The following GPBP1 variants were observed in gnomAD, a reference collection of about 807,000 sequenced individuals.
The protein encoded by GPBP1 is vasculin.
A neutral mutation model predicts 56.5 loss-of-function variants in GPBP1; 13 were observed. That is an observed-to-expected ratio of 0.23 (90% CI 0.15 to 0.37). The LOEUF is 0.37. Among genes scored for constraint, GPBP1 ranks in the 10% least tolerant of loss-of-function variants. The pLI is 1.00. For synonymous variants in GPBP1, 204 were observed against 188.9 expected (o/e 1.08, Z -0.66); for missense variants, 477 against 572.3 (o/e 0.83, Z 1.70).
chr5:57,180,586 G>A (rs1753998027), intron 2 of GPBP1, among the ~76,000 whole-genome samples: 1 of 152,180 alleles, frequency 6.6e-6, no homozygotes, highest in African/African-American at 2.4e-5. Flanking sequence ...GGGTTTGGAA[G>A]GGAACTTGGT....
intron 10 of GPBP1, among the ~76,000 whole-genome samples, chr5:57,256,772 C>G (rs573424838): frequency 2.1e-3 from 314 of 152,180 alleles, no homozygotes; most frequent in African/African-American, 7.0e-3. Context: ...ATTTAAATTT[C>G]TTAGTTTGAG....
chr5:57,237,072 T>G, intron 6 of GPBP1: 1 of 1,411,162 alleles, frequency 7.1e-7, no homozygotes, highest in Non-Finnish European at 9.8e-7. Context: ...TGGCATTGTT[T>G]TTTCTGTATT....
At chr5:57,239,099 G>C (rs1740688635) in intron 6 of GPBP1, among the ~76,000 whole-genome samples, 1 of 152,204 alleles carries the variant, frequency 6.6e-6, no homozygotes, top group South Asian at 2.1e-4. Context: ...GTATTCTGTT[G>C]ATGAATTGCT....
intron 2 of GPBP1, among the ~76,000 whole-genome samples, chr5:57,200,578 A>G (rs1027783288): frequency 6.6e-6 from 1 of 151,990 alleles, no homozygotes; most frequent in Non-Finnish European, 1.5e-5. Flanking sequence ...CAAGTTGGCC[A>G]GGCTGGCCTC....
intron 3 of GPBP1, among the ~76,000 whole-genome samples, chr5:57,219,320 G>A (rs1253672682): frequency 7.3e-6 from 1 of 136,076 alleles, no homozygotes; most frequent in Non-Finnish European, 1.5e-5. Context: ...AGGTTGCAGT[G>A]AGCCCAGATC....
chr5:57,213,199 C>T (rs2111760360), intron 2 of GPBP1, among the ~76,000 whole-genome samples: 1 of 152,086 alleles, frequency 6.6e-6, no homozygotes, highest in East Asian at 1.9e-4. Flanking sequence ...GATTTAGGCA[C>T]CCACCACCAT....
chr5:57,210,922 C>A (rs756167141), intron 2 of GPBP1, among the ~76,000 whole-genome samples: 1 of 152,152 alleles, frequency 6.6e-6, no homozygotes, highest in Non-Finnish European at 1.5e-5. Context: ...CAGTTAATCA[C>A]TTCTTTAAAG....
intron 3 of GPBP1, among the ~76,000 whole-genome samples, chr5:57,226,809 T>C (rs1350871296): frequency 6.9e-6 from 1 of 144,942 alleles, no homozygotes; most frequent in East Asian, 2.1e-4. Flanking sequence ...GTGCGATCTC[T>C]GCTCACTGCA....
chr5:57,249,626 A>G, intron 9 of GPBP1, 50 bp downstream of exon 9: 1 of 1,456,542 alleles, frequency 6.9e-7, no homozygotes, highest in Non-Finnish European at 9.4e-7. Flanking sequence ...TGTCATTGAA[A>G]TATTTGAGCA....
At chr5:57,198,913 C>T (rs1309256728) in intron 2 of GPBP1, among the ~76,000 whole-genome samples, 1 of 152,080 alleles carries the variant, frequency 6.6e-6, no homozygotes, top group Non-Finnish European at 1.5e-5. Flanking sequence ...TTTGCCTTTG[C>T]AGTTGCAATA....
At chr5:57,219,930 T>C (rs1321342476) in intron 3 of GPBP1, among the ~76,000 whole-genome samples, 1 of 151,648 alleles carries the variant, frequency 6.6e-6, no homozygotes, top group African/African-American at 2.4e-5. Context: ...CGCGTGCCTG[T>C]AATCCTAGCT....
chr5:57,210,338 A>G (rs1047496275), intron 2 of GPBP1, among the ~76,000 whole-genome samples: 24 of 152,210 alleles, frequency 1.6e-4, no homozygotes, highest in Admixed American at 1.6e-3. Context: ...GAAAAAAATT[A>G]GGGTTTTCAT....
Position 57,230,878 on chromosome 5 carries a change from CTT to C in GPBP1, c.98_99del (p.Phe33CysfsTer8). 1.2e-6 allele frequency: 2 copies of C among 1,609,640 alleles called. No individual in the cohort carries two copies. The highest frequency in any genetic ancestry group is 1.7e-6 in the Non-Finnish European group (2 of 1,178,372). On this transcript the variant is annotated frameshift_variant, in exon 4 of 12. Transcript: ENST00000506184. LOFTEE classifies it high-confidence loss of function. ...TGAATTTTGAGAAGCATTCTGAAAA[CTT>C]TGCATGGACAGAGAATCGTTATGAT... is the stretch of plus-strand genomic sequence containing the variant. The part of the protein sequence containing the change: ...SLNFEKHSEN[F>X]AWTENRYDVN...
At chr5:57,196,965 A>G (rs1052187062) in intron 2 of GPBP1, among the ~76,000 whole-genome samples, 2 of 151,980 alleles carry the variant, frequency 1.3e-5, no homozygotes, top group African/African-American at 4.8e-5. Flanking sequence ...TATTTTTAGT[A>G]GAGATGGGAT....
intron 6 of GPBP1, chr5:57,237,317 C>A: frequency 1.5e-6 from 1 of 663,320 alleles, no homozygotes. Flanking sequence ...ATCAAGAATG[C>A]CAGTGAGCGT....
chr5:57,225,419 G>A (rs895954996), intron 3 of GPBP1, among the ~76,000 whole-genome samples: 5 of 151,002 alleles, frequency 3.3e-5, no homozygotes, highest in South Asian at 2.1e-4. Context: ...GCATGAACCC[G>A]GGAGGCGGAG....
chr5:57,240,925 C>T (rs1028441384), intron 6 of GPBP1, among the ~76,000 whole-genome samples: 3 of 151,566 alleles, frequency 2.0e-5, no homozygotes, highest in Non-Finnish European at 4.4e-5. Flanking sequence ...GCACTCCAGC[C>T]TGGGCAACAA....
chr5:57,237,755 C>G (rs973940083), intron 6 of GPBP1, among the ~76,000 whole-genome samples: 3 of 151,508 alleles, frequency 2.0e-5, no homozygotes, highest in Non-Finnish European at 4.4e-5. Flanking sequence ...CTGAGGAAGA[C>G]GAGAATTTTA....
chr5:57,204,237 A>G (rs560939056), intron 2 of GPBP1, among the ~76,000 whole-genome samples: 1 of 152,044 alleles, frequency 6.6e-6, no homozygotes, highest in Non-Finnish European at 1.5e-5. Context: ...CATGTTTTAC[A>G]GCTTGTTTTT....
Sources: gnomAD v4.1 joint callset for allele counts (sites outside exome capture counted in the v4.1 genomes callset) on GRCh38, gnomAD v4.1.1 for gene constraint, MANE v1.5 for transcripts, NCBI Gene and HGNC (gene_info 2026-07-23, HGNC 2026-07-21) for gene names.